BLTP1: variants seen among roughly 807,000 people sequenced by gnomAD.
BLTP1 encodes the protein fragile site-associated protein.
chr4:122,250,018 A>G, the BLTP1 span: 1,097 of 937,378 alleles, frequency 1.2e-3, 7 homozygotes, highest in African/African-American at 0.018. Context: ...GCCATATAGG[A>G]TATAAAAACT....
At chr4:122,158,727 C>T in the BLTP1 span, among the ~76,000 whole-genome samples, 13 of 152,150 alleles carry the variant, frequency 8.5e-5, no homozygotes, top group East Asian at 1.9e-4. Context: ...GCTGAGATTG[C>T]GCCACTGCAC....
the BLTP1 span, chr4:122,208,458 C>G: frequency 8.2e-6 from 8 of 979,116 alleles, no homozygotes; most frequent in Non-Finnish European, 9.7e-6. Flanking sequence ...TTTGATTTGC[C>G]AGTTCTGAAT....
At chr4:122,231,032 A>T in the BLTP1 span, among the ~76,000 whole-genome samples, 1 of 152,186 alleles carries the variant, frequency 6.6e-6, no homozygotes, top group Non-Finnish European at 1.5e-5. Context: ...TACCAAAAAG[A>T]CAAAACATGT....
chr4:122,217,187 C>A, the BLTP1 span, among the ~76,000 whole-genome samples: 1 of 152,078 alleles, frequency 6.6e-6, no homozygotes, highest in Non-Finnish European at 1.5e-5. Context: ...ATTTTGGGTT[C>A]TCTATTCTGT....
chr4:122,328,028 A>C, the BLTP1 span: 1 of 1,100,782 alleles, frequency 9.1e-7, no homozygotes, highest in African/African-American at 1.6e-5. Context: ...TAATTTTTAA[A>C]TGTTTAAATT....
chr4:122,241,507 T>G, the BLTP1 span, among the ~76,000 whole-genome samples: 1 of 152,196 alleles, frequency 6.6e-6, no homozygotes, highest in Non-Finnish European at 1.5e-5. Flanking sequence ...GGGTGATCAC[T>G]TAGGAGACTG....
chr4:122,246,108 G>A, the BLTP1 span: 2 of 1,515,780 alleles, frequency 1.3e-6, no homozygotes, highest in Non-Finnish European at 1.8e-6. Context: ...TGATGTGGAA[G>A]TTATGAAAAG....
the BLTP1 span, chr4:122,349,335 C>T: frequency 1.2e-6 from 2 of 1,606,520 alleles, no homozygotes; most frequent in Non-Finnish European, 1.7e-6. This position sits in a 1 kb window ranked among gnomAD's most constrained non-coding sequence, Gnocchi z 4.5. Flanking sequence ...AATTTTAAAA[C>T]TGACCTAACA....
At chr4:122,317,655 A>G in the BLTP1 span, among the ~76,000 whole-genome samples, 1 of 151,720 alleles carries the variant, frequency 6.6e-6, no homozygotes, top group African/African-American at 2.4e-5. Context: ...TTTTTAAACA[A>G]TCAAGGACCT....
At chr4:122,198,504 A>C in the BLTP1 span, 1 of 931,448 alleles carries the variant, frequency 1.1e-6, no homozygotes, top group Non-Finnish European at 1.3e-6. Context: ...CATAGGAAAT[A>C]GTATTTTTAC....
chr4:122,244,168 G>A, the BLTP1 span: 1 of 899,588 alleles, frequency 1.1e-6, no homozygotes, highest in East Asian at 3.2e-5. Flanking sequence ...GAAGATTATT[G>A]ATAGCTATTT....
At chr4:122,222,445 T>C in the BLTP1 span, among the ~76,000 whole-genome samples, 1 of 152,186 alleles carries the variant, frequency 6.6e-6, no homozygotes, top group Non-Finnish European at 1.5e-5. Flanking sequence ...TCTTATGTAT[T>C]AATTTCATAG....
chr4:122,328,228 C>A, the BLTP1 span: 1 of 1,611,304 alleles, frequency 6.2e-7, no homozygotes, highest in South Asian at 1.1e-5. Context: ...GGCTTTTCAC[C>A]AGGCATTCCT....
At chr4:122,206,052 A>T in the BLTP1 span, 10 of 983,404 alleles carry the variant, frequency 1.0e-5, no homozygotes, top group Non-Finnish European at 1.2e-5. Context: ...TTAAAGTACC[A>T]AAGGGTAAAC....
chr4:122,296,968 T>C, the BLTP1 span, among the ~76,000 whole-genome samples: 1 of 152,108 alleles, frequency 6.6e-6, no homozygotes, highest in African/African-American at 2.4e-5. Flanking sequence ...ATAAAAACCC[T>C]AGAAGAAAAT....
the BLTP1 span, chr4:122,238,183 A>G: frequency 1.9e-6 from 3 of 1,614,064 alleles, no homozygotes; most frequent in Non-Finnish European, 2.5e-6. Context: ...GTCTTCAAGT[A>G]CCATTACGAT....
At chr4:122,200,920 C>A in the BLTP1 span, 1 of 1,514,920 alleles carries the variant, frequency 6.6e-7, no homozygotes, top group South Asian at 1.4e-5. Flanking sequence ...TTTAATTACT[C>A]ACTAGCGTGT....
the BLTP1 span, chr4:122,344,477 C>T: frequency 6.2e-7 from 1 of 1,613,922 alleles, no homozygotes; most frequent in Non-Finnish European, 8.5e-7. Flanking sequence ...ACGGATCAGG[C>T]GTTCAGGAGG....
At chr4:122,286,815 T>C in the BLTP1 span, 12 of 1,586,276 alleles carry the variant, frequency 7.6e-6, no homozygotes, top group East Asian at 1.1e-4. Context: ...TTCTTACTCT[T>C]CGTAATTTAG....
Sources: gnomAD v4.1 joint callset for allele counts (sites outside exome capture counted in the v4.1 genomes callset) on GRCh38, gnomAD v4.1.1 for gene constraint, Gnocchi (gnomAD v3.1) non-coding constraint, MANE v1.5 for transcripts, NCBI Gene and HGNC (gene_info 2026-07-23, HGNC 2026-07-21) for gene names.